The following MARK3 variants were observed in gnomAD, a reference collection of about 807,000 sequenced individuals.
MARK3 encodes the protein MAP/microtubule affinity-regulating kinase 3.
MARK3 carries 46 observed loss-of-function variants against 90.1 expected under a neutral mutation model. The observed-to-expected ratio is 0.51, with a 90% CI of 0.40 to 0.65. MARK3 has a LOEUF of 0.65. MARK3 is among the 30% of genes least tolerant of loss of function. MARK3 has a pLI of 0.00. For missense variants in MARK3, 818 were observed against 947.2 expected, an observed-to-expected ratio of 0.86 and a Z score of 1.79; for synonymous variants, 321 against 332.6, an observed-to-expected ratio of 0.97 and a Z score of 0.38.
intron 3 of MARK3, among the ~76,000 whole-genome samples, chr14:103,432,297 C>G (rs1250244618): frequency 6.6e-6 from 1 of 151,912 alleles, no homozygotes; most frequent in Non-Finnish European, 1.5e-5. Context: ...ATGAGATTTA[C>G]AGAGGAAGAA....
chr14:103,431,953 T>A (rs2092594878), intron 3 of MARK3, among the ~76,000 whole-genome samples: 1 of 152,034 alleles, frequency 6.6e-6, no homozygotes, highest in African/African-American at 2.4e-5. Flanking sequence ...AGAAGCCTAC[T>A]TTATTCCATA....
At chr14:103,480,170 C>T (rs77523297) in intron 13 of MARK3, among the ~76,000 whole-genome samples, 1,575 of 152,178 alleles carry the variant, frequency 0.01, 22 homozygotes, top group African/African-American at 0.036. Flanking sequence ...CCTGTATTCC[C>T]AGCTACTTGG....
chr14:103,392,317 C>G (rs901951663), intron 1 of MARK3, among the ~76,000 whole-genome samples: 1 of 152,210 alleles, frequency 6.6e-6, no homozygotes, highest in Non-Finnish European at 1.5e-5. Context: ...GACAAAGCAG[C>G]CTGAGCTTTA....
intron 1 of MARK3, among the ~76,000 whole-genome samples, chr14:103,402,256 T>C (rs1387443199): frequency 6.6e-6 from 1 of 152,116 alleles, no homozygotes; most frequent in Non-Finnish European, 1.5e-5. Flanking sequence ...TGCCTGTGAA[T>C]CTTAAGATTT....
Position 103,385,937 on chromosome 14 carries a change from C to G in MARK3, c.-93C>G. On this transcript the variant is annotated 5_prime_UTR_variant, in exon 1 of 18. Coordinates refer to ENST00000429436, the MANE Select transcript of MARK3 (RefSeq NM_001128918.3). Reference sequence around the variant, plus strand: ...CCCTCCCCACGGCGCCTTTTCGGAACTGCCGTGGACTCGAGGACGCTGGTC... The same window carrying G: ...CCCTCCCCACGGCGCCTTTTCGGAAGTGCCGTGGACTCGAGGACGCTGGTC... 3.8e-6 allele frequency: 4 copies of G among 1,043,596 alleles called. No individual in the cohort carries two copies. The South Asian group carries it at 5.1e-5, about 13-fold the overall frequency. The allele number at this position is 1,043,596 out of a possible 1,614,324, so 64.6% of individuals were successfully genotyped here. A position where few individuals can be genotyped will look rare whatever the true frequency, so the allele number is the denominator to read the frequency against.
intron 10 of MARK3, 21 bp downstream of exon 10, chr14:103,466,463 T>A (rs778155746): frequency 6.8e-7 from 1 of 1,477,432 alleles, no homozygotes; most frequent in South Asian, 1.2e-5. Context: ...CATGCCTGCA[T>A]GTTCATGTGT....
At chr14:103,418,640 C>T (rs1011153308) in intron 2 of MARK3, among the ~76,000 whole-genome samples, 6 of 152,110 alleles carry the variant, frequency 3.9e-5, no homozygotes, top group Admixed American at 2.0e-4. Context: ...GTTTCTTCAT[C>T]CTGGGGTGTG....
chr14:103,405,500 G>C (rs4243739), intron 2 of MARK3, among the ~76,000 whole-genome samples: 1 of 151,686 alleles, frequency 6.6e-6, no homozygotes, highest in Non-Finnish European at 1.5e-5. Flanking sequence ...ACAGGTGCCC[G>C]CCACCACACC....
intron 2 of MARK3, among the ~76,000 whole-genome samples, chr14:103,415,227 CAAA>C (rs2091894844): frequency 1.5e-5 from 1 of 66,818 alleles, no homozygotes. Flanking sequence ...TTTAATTTAA[CAAA>C]CATGTTGGAA....
At chr14:103,476,698 C>A (rs1195837534) in intron 13 of MARK3, among the ~76,000 whole-genome samples, 3 of 150,890 alleles carry the variant, frequency 2.0e-5, no homozygotes, top group African/African-American at 7.5e-5. Flanking sequence ...TCCAGAAAAA[C>A]CCTGGACTGA....
At chr14:103,400,898 C>CAAA (rs34861063) in intron 1 of MARK3, among the ~76,000 whole-genome samples, 1 of 70,058 alleles carries the variant, frequency 1.4e-5, no homozygotes, top group African/African-American at 5.5e-5. Flanking sequence ...GACCCTGTCT[C>CAAA]AAAAAAAAAA....
rs1566938280 is a variant in MARK3, at chr14:103,492,026, C to T, written c.1836C>T (p.Leu612=). ...TNLFSKLTSK[L]TRRNMSFRFI... is the part of the protein sequence containing the mutation. The stretch of plus-strand genomic sequence containing the variant: ...TCTTTAGTAAATTAACTTCAAAACT[C>T]ACAAGGAGGTAAGTGCTAGGTGCTG... Residue 612 remains leucine (L), a synonymous_variant, in exon 15 of 18, where the codon CTC becomes CTT. Coordinates refer to ENST00000429436, the MANE Select transcript of MARK3 (RefSeq NM_001128918.3). 1 of 1,614,108 alleles carries T rather than the reference C, an allele frequency of 6.2e-7. No homozygotes were observed. Among genetic ancestry groups the T allele is most frequent in the East Asian group, 2.2e-5 (1 of 44,892 alleles).
At chr14:103,415,269 T>C (rs909827865) in intron 2 of MARK3, among the ~76,000 whole-genome samples, 2 of 151,914 alleles carry the variant, frequency 1.3e-5, no homozygotes, top group African/African-American at 4.8e-5. Flanking sequence ...TACATTAATA[T>C]GTACACTCTG....
chr14:103,420,993 G>A (rs907711840), intron 2 of MARK3, among the ~76,000 whole-genome samples: 1 of 151,934 alleles, frequency 6.6e-6, no homozygotes, highest in African/African-American at 2.4e-5. Flanking sequence ...TCTTCCTAAC[G>A]CACCCTTGAG....
At chr14:103,478,093 A>G (rs567308177) in intron 13 of MARK3, among the ~76,000 whole-genome samples, 1 of 151,872 alleles carries the variant, frequency 6.6e-6, no homozygotes, top group African/African-American at 2.4e-5. Context: ...TCAGGCGTTC[A>G]AGACCAGCCT....
At chr14:103,475,391 C>T (rs1237014782) in intron 13 of MARK3, among the ~76,000 whole-genome samples, 181 bp downstream of exon 13, 1 of 152,158 alleles carries the variant, frequency 6.6e-6, no homozygotes, top group Non-Finnish European at 1.5e-5. Flanking sequence ...ATTGTTGACA[C>T]TCTCTTAGTT....
At chr14:103,466,545 A>T in intron 10 of MARK3, 103 bp downstream of exon 10, 1 of 750,422 alleles carries the variant, frequency 1.3e-6, no homozygotes, top group South Asian at 1.8e-5. Flanking sequence ...AAAGTTAAGC[A>T]CAAGTCATAT....
intron 3 of MARK3, among the ~76,000 whole-genome samples, chr14:103,445,691 T>G (rs1334026821): frequency 3.9e-5 from 6 of 152,254 alleles, no homozygotes; most frequent in Non-Finnish European, 8.8e-5. Context: ...AACAAATTCC[T>G]CCAGAACTTA....
chr14:103,478,623 T>C (rs2093761731), intron 13 of MARK3, among the ~76,000 whole-genome samples: 1 of 134,196 alleles, frequency 7.5e-6, no homozygotes. Flanking sequence ...CACTGCAAAC[T>C]CCACCTCCCG....
Sources: allele counts gnomAD v4.1 joint callset (sites outside exome capture counted in the v4.1 genomes callset), GRCh38; gene constraint gnomAD v4.1.1; transcripts MANE v1.5; gene names NCBI Gene and HGNC (gene_info 2026-07-23, HGNC 2026-07-21).